FSTL5: variants seen among roughly 807,000 people sequenced by gnomAD.
FSTL5 encodes follistatin-related protein 5.
FSTL5 carries 62 observed loss-of-function variants against 89.1 expected under a neutral mutation model. The observed-to-expected ratio is 0.70, with a 90% CI of 0.57 to 0.86. The LOEUF is 0.86. Ranked by LOEUF, FSTL5 falls within the 40% of genes least tolerant of loss-of-function variation. The pLI is 0.00. For missense variants in FSTL5, 1,057 were observed against 1,001.6 expected, an observed-to-expected ratio of 1.06 and a Z score of -0.75; for synonymous variants, 383 against 346.2, an observed-to-expected ratio of 1.11 and a Z score of -1.18.
chr4:162,031,113 T>C (rs1737504003), intron 3 of FSTL5, among the ~76,000 whole-genome samples: 1 of 152,290 alleles, frequency 6.6e-6, no homozygotes, highest in East Asian at 1.9e-4. Context: ...TATTATAATC[T>C]TCAGTGCAAT....
At chr4:161,636,407 T>C (rs1007197944) in intron 7 of FSTL5, among the ~76,000 whole-genome samples, 5 of 151,224 alleles carry the variant, frequency 3.3e-5, no homozygotes, top group Non-Finnish European at 7.4e-5. Flanking sequence ...GCCCCTTCAA[T>C]CATGTAAGAA....
At chr4:161,850,461 C>G (rs918630568) in intron 4 of FSTL5, among the ~76,000 whole-genome samples, 10 of 152,050 alleles carry the variant, frequency 6.6e-5, no homozygotes, top group Admixed American at 2.6e-4. Context: ...TTGTCTCATG[C>G]AAAAATACGT....
At chr4:161,974,141 C>T (rs1404735028) in intron 3 of FSTL5, among the ~76,000 whole-genome samples, 4 of 152,176 alleles carry the variant, frequency 2.6e-5, no homozygotes, top group Non-Finnish European at 5.9e-5. Flanking sequence ...ATTCCATGCT[C>T]ATGGGTAGGA....
At chr4:161,450,633 A>G (rs772004139) in intron 15 of FSTL5, among the ~76,000 whole-genome samples, 5 of 152,180 alleles carry the variant, frequency 3.3e-5, no homozygotes, top group Admixed American at 6.5e-5. Context: ...ACATAGAATA[A>G]TGAAGCGTTG....
intron 7 of FSTL5, among the ~76,000 whole-genome samples, chr4:161,597,766 T>G (rs189734537): frequency 5.1e-4 from 77 of 152,072 alleles, no homozygotes; most frequent in African/African-American, 1.8e-3. Context: ...TATGGAGTGT[T>G]TATAGGTTAT....
At chr4:161,693,537 G>A (rs1198091552) in intron 6 of FSTL5, among the ~76,000 whole-genome samples, 1 of 150,728 alleles carries the variant, frequency 6.6e-6, no homozygotes, top group Admixed American at 6.6e-5. Flanking sequence ...TTCCTCTTGA[G>A]TCAGTTTTAG....
chr4:161,456,229 A>C (rs914422477), intron 14 of FSTL5, among the ~76,000 whole-genome samples: 1 of 152,174 alleles, frequency 6.6e-6, no homozygotes, highest in Non-Finnish European at 1.5e-5. Context: ...TGTGGATTAC[A>C]GATTCATTAT....
At chr4:161,929,687 G>GTGTGTGTGTATA (rs1553983486) in intron 3 of FSTL5, among the ~76,000 whole-genome samples, 4 of 116,512 alleles carry the variant, frequency 3.4e-5, no homozygotes, top group African/African-American at 1.1e-4. Context: ...GTGTGTGTGT[G>GTGTGTGTGTATA]TGTGTGTGTG....
chr4:162,035,040 T>C (rs1215402491), intron 2 of FSTL5, among the ~76,000 whole-genome samples: 1 of 152,162 alleles, frequency 6.6e-6, no homozygotes, highest in Admixed American at 6.6e-5. Flanking sequence ...CATTAGTTTT[T>C]CATAATTCTA....
chr4:161,855,330 A>T (rs2126884828), intron 4 of FSTL5, among the ~76,000 whole-genome samples: 1 of 152,224 alleles, frequency 6.6e-6, no homozygotes, highest in East Asian at 1.9e-4. Context: ...CAAGAGAAGA[A>T]AATTACATAT....
intron 2 of FSTL5, among the ~76,000 whole-genome samples, chr4:162,104,284 A>G (rs1731122545): frequency 6.6e-6 from 1 of 152,150 alleles, no homozygotes; most frequent in Admixed American, 6.5e-5. Context: ...CTCTTCCGTG[A>G]CCAATGGCTT....
intron 15 of FSTL5, among the ~76,000 whole-genome samples, chr4:161,417,859 G>T (rs1375841516): frequency 6.6e-6 from 1 of 152,174 alleles, no homozygotes; most frequent in Non-Finnish European, 1.5e-5. Flanking sequence ...TTGGTGTTAG[G>T]ATTAGTCATG....
At chr4:161,510,200 A>G (rs905167131) in intron 11 of FSTL5, among the ~76,000 whole-genome samples, 198 bp downstream of exon 11, 7 of 152,278 alleles carry the variant, frequency 4.6e-5, no homozygotes, top group Non-Finnish European at 7.4e-5. Flanking sequence ...CTGGCTATGT[A>G]TCAATATTTA....
At chr4:161,987,384 T>C (rs1735991952) in intron 3 of FSTL5, among the ~76,000 whole-genome samples, 1 of 150,784 alleles carries the variant, frequency 6.6e-6, no homozygotes, top group Admixed American at 6.6e-5. Flanking sequence ...TATTTTAGAA[T>C]GGCGGGGAAG....
In FSTL5 at chr4:161,480,178, A is replaced by G. The variant is rs1420056960; in HGVS notation, c.1608+842T>C. Among the ~76,000 whole-genome samples, 3 of 152,350 alleles carry G rather than the reference A, an allele frequency of 2.0e-5. No individual in the cohort carries two copies. In the East Asian group the frequency reaches 5.8e-4, roughly 29 times the overall value. On this transcript the variant is annotated intron_variant, in intron 13 of 15. Transcript: ENST00000306100. ...TTTTGATAGGAAACGGGCATATAGC[A>G]CTTCCACATGCCAGGGTCTACTATA... is the stretch of plus-strand genomic sequence containing the variant.
At chr4:161,552,285 A>T (rs539780468) in intron 8 of FSTL5, among the ~76,000 whole-genome samples, 3 of 151,986 alleles carry the variant, frequency 2.0e-5, no homozygotes, top group South Asian at 4.1e-4. Context: ...AACTCTCAAT[A>T]AGTATTTAAT....
intron 12 of FSTL5, among the ~76,000 whole-genome samples, chr4:161,492,819 G>A (rs1342413907): frequency 6.6e-6 from 1 of 151,854 alleles, no homozygotes; most frequent in Non-Finnish European, 1.5e-5. Context: ...TAATTTCCAT[G>A]TGGACAACAT....
At chr4:161,973,482 T>C (rs1735542753) in intron 3 of FSTL5, among the ~76,000 whole-genome samples, 1 of 152,220 alleles carries the variant, frequency 6.6e-6, no homozygotes, top group African/African-American at 2.4e-5. Flanking sequence ...CTTCAGTTTC[T>C]TCATTAGCAC....
chr4:161,855,689 T>C (rs1194905307), intron 4 of FSTL5, among the ~76,000 whole-genome samples: 1 of 152,082 alleles, frequency 6.6e-6, no homozygotes, highest in Admixed American at 6.6e-5. Context: ...ACTAAGTCAT[T>C]TTATATGGAG....
Sources: allele counts gnomAD v4.1 joint callset (sites outside exome capture counted in the v4.1 genomes callset), GRCh38; gene constraint gnomAD v4.1.1; transcripts MANE v1.5; gene names NCBI Gene and HGNC (gene_info 2026-07-23, HGNC 2026-07-21).